Variants in KCNJ6 observed in about 807,000 individuals in gnomAD.
KCNJ6 encodes the protein potassium inwardly rectifying channel subfamily J member 6.
A neutral mutation model predicts 34.2 loss-of-function variants in KCNJ6; 9 were observed. The observed-to-expected ratio is 0.26, with a 90% confidence interval of 0.16 to 0.46. The LOEUF (loss-of-function observed/expected upper bound fraction) is 0.46, where lower values mean the gene tolerates loss of function less well. KCNJ6 is among the 20% of genes least tolerant of loss of function. KCNJ6 has a pLI of 1.00. For synonymous variants in KCNJ6, 196 were observed against 207.1 expected, an observed-to-expected ratio of 0.95 and a Z score of 0.46; for missense variants, 236 against 531.3, an observed-to-expected ratio of 0.44 and a Z score of 5.46.
At chr21:37,845,319 C>T (rs958125768) in intron 1 of KCNJ6, among the ~76,000 whole-genome samples, 11 of 152,136 alleles carry the variant, frequency 7.2e-5, no homozygotes, top group African/African-American at 2.2e-4. Context: ...GAGAAAAGAA[C>T]TTACTTTGGC....
chr21:37,773,934 C>T (rs908942081), intron 2 of KCNJ6, among the ~76,000 whole-genome samples: 89 of 152,214 alleles, frequency 5.8e-4, no homozygotes, highest in Non-Finnish European at 1.1e-3. Flanking sequence ...TTCTCATGAC[C>T]CCGTATTTCC....
intron 1 of KCNJ6, among the ~76,000 whole-genome samples, chr21:37,875,021 G>A (rs1000032368): frequency 1.8e-4 from 27 of 152,108 alleles, no homozygotes; most frequent in Non-Finnish European, 4.4e-5. Context: ...TCTCAACAAA[G>A]CCAGAGTCAC....
chr21:37,656,001 G>C (rs529347812), intron 3 of KCNJ6, among the ~76,000 whole-genome samples: 2 of 152,204 alleles, frequency 1.3e-5, no homozygotes, highest in African/African-American at 4.8e-5. Flanking sequence ...TGGCCCATGG[G>C]GGGGCCTTCC....
chr21:37,678,318 A>G (rs2054576124), intron 3 of KCNJ6, among the ~76,000 whole-genome samples: 1 of 152,252 alleles, frequency 6.6e-6, no homozygotes, highest in African/African-American at 2.4e-5. Flanking sequence ...ATGATGTCCA[A>G]GGAATTTGCA....
chr21:37,741,390 T>G (rs1477366303), intron 2 of KCNJ6, among the ~76,000 whole-genome samples: 1 of 151,956 alleles, frequency 6.6e-6, no homozygotes, highest in Non-Finnish European at 1.5e-5. Context: ...GATCAAAGAG[T>G]AGGAGGAGAA....
At chr21:37,894,617 T>G (rs1488083482) in intron 1 of KCNJ6, among the ~76,000 whole-genome samples, 2 of 152,044 alleles carry the variant, frequency 1.3e-5, no homozygotes, top group African/African-American at 2.4e-5. Context: ...TGAGCTGAGT[T>G]CGTGCCACTG....
At chr21:37,639,032 T>C (rs1310203082) in intron 3 of KCNJ6, among the ~76,000 whole-genome samples, 1 of 152,222 alleles carries the variant, frequency 6.6e-6, no homozygotes, top group East Asian at 1.9e-4. Flanking sequence ...CATGTCACCT[T>C]ATTTAGCCTG....
chr21:37,815,561 C>T (rs556161157), intron 2 of KCNJ6, among the ~76,000 whole-genome samples: 1 of 152,296 alleles, frequency 6.6e-6, no homozygotes, highest in South Asian at 2.1e-4. Flanking sequence ...GCTGAGCCCC[C>T]ATAGTGGGGT....
At chr21:37,686,016 C>G (rs1332694601) in intron 3 of KCNJ6, among the ~76,000 whole-genome samples, 1 of 151,904 alleles carries the variant, frequency 6.6e-6, no homozygotes, top group African/African-American at 2.4e-5. Context: ...CAGAAAGGCA[C>G]CCAAGTGACA....
chr21:37,826,869 T>A (rs1435083742), intron 2 of KCNJ6, among the ~76,000 whole-genome samples: 1 of 152,116 alleles, frequency 6.6e-6, no homozygotes, highest in Non-Finnish European at 1.5e-5. Context: ...GTAGCCTGGA[T>A]TTCTTTCTTA....
chr21:37,891,344 T>C lies in KCNJ6; in HGVS notation c.-28+24540A>G, dbSNP rs535463965. Among the ~76,000 whole-genome samples, 90 of 151,942 alleles carry C rather than the reference T, an allele frequency of 5.9e-4. 2 individuals are homozygous for C. The highest frequency in any genetic ancestry group is 1.8e-3 in the African/African-American group (73 of 41,430). On this transcript the variant is annotated intron_variant, in intron 1 of 3. Transcript: ENST00000609713. ...AGACAGATACGAACACAGACACGCA[T>C]AGACAAACACACAGGCACACATGCA...
intron 2 of KCNJ6, among the ~76,000 whole-genome samples, chr21:37,764,738 G>A (rs1474008417): frequency 1.3e-5 from 2 of 152,194 alleles, no homozygotes; most frequent in Non-Finnish European, 2.9e-5. Context: ...GCAGTCAGTT[G>A]TATTTTTAAG....
chr21:37,678,519 C>T (rs1434751929), intron 3 of KCNJ6, among the ~76,000 whole-genome samples: 2 of 152,146 alleles, frequency 1.3e-5, no homozygotes, highest in Non-Finnish European at 2.9e-5. Flanking sequence ...CCCAGAAAGC[C>T]TCCATGATAG....
intron 1 of KCNJ6, among the ~76,000 whole-genome samples, chr21:37,873,656 G>T (rs1018188570): frequency 2.0e-5 from 3 of 152,092 alleles, no homozygotes; most frequent in African/African-American, 7.2e-5. Flanking sequence ...ACTAGAAATA[G>T]AAATATGAGC....
intron 3 of KCNJ6, among the ~76,000 whole-genome samples, chr21:37,703,365 C>T (rs2054701704): frequency 6.6e-6 from 1 of 151,478 alleles, no homozygotes; most frequent in South Asian, 2.1e-4. Context: ...GGGAGAGGCC[C>T]AGGTATGTGG....
intron 3 of KCNJ6, among the ~76,000 whole-genome samples, chr21:37,651,857 G>C (rs2054435103): frequency 1.3e-5 from 2 of 152,320 alleles, no homozygotes; most frequent in South Asian, 4.1e-4. Flanking sequence ...CAGCATTGAT[G>C]GTGACTAGTT....
intron 3 of KCNJ6, among the ~76,000 whole-genome samples, chr21:37,686,553 C>CTCACTGCAATCTCT (rs2054616578): frequency 6.7e-6 from 1 of 148,312 alleles, no homozygotes; most frequent in Non-Finnish European, 1.5e-5. Flanking sequence ...CTGCAATCTC[C>CTCACTGCAATCTCT]GCCTCCTGGG....
intron 3 of KCNJ6, among the ~76,000 whole-genome samples, chr21:37,659,748 G>T (rs1240482554): frequency 6.6e-6 from 1 of 152,196 alleles, no homozygotes; most frequent in Admixed American, 6.5e-5. Context: ...AGCCTCCATA[G>T]ATATGACTCT....
intron 2 of KCNJ6, among the ~76,000 whole-genome samples, chr21:37,830,550 A>C (rs995087060): frequency 1.3e-5 from 2 of 152,050 alleles, no homozygotes; most frequent in Admixed American, 1.3e-4. Flanking sequence ...CCTACAATTC[A>C]CATCAAGAAT....
Sources: gnomAD v4.1 joint callset for allele counts (sites outside exome capture counted in the v4.1 genomes callset) on GRCh38, gnomAD v4.1.1 for gene constraint, MANE v1.5 for transcripts, NCBI Gene and HGNC (gene_info 2026-07-23, HGNC 2026-07-21) for gene names.